The following ENTREP2 variants were observed in gnomAD, a reference collection of about 807,000 sequenced individuals.
The protein encoded by ENTREP2 is endosomal transmembrane epsin interactor 2, also known as protein ENTREP2.
chr15:29,654,045 C>A, the ENTREP2 span, among the ~76,000 whole-genome samples: 1 of 152,134 alleles, frequency 6.6e-6, no homozygotes, highest in Non-Finnish European at 1.5e-5. Flanking sequence ...TTATACAGAT[C>A]AGTATAGCTA....
At chr15:29,445,725 G>A in the ENTREP2 span, among the ~76,000 whole-genome samples, 1 of 152,280 alleles carries the variant, frequency 6.6e-6, no homozygotes, top group South Asian at 2.1e-4. Flanking sequence ...GAGTTCTTGA[G>A]CCATGCCAGC....
At chr15:29,268,977 G>A in the ENTREP2 span, 50 of 1,614,036 alleles carry the variant, frequency 3.1e-5, no homozygotes, top group Non-Finnish European at 4.1e-5. Context: ...CGTAGTCGAC[G>A]GGGTCGGTGT....
chr15:29,170,330 AAAT>A, the ENTREP2 span, among the ~76,000 whole-genome samples: 1 of 151,288 alleles, frequency 6.6e-6, no homozygotes, highest in Non-Finnish European at 1.5e-5. Flanking sequence ...AAAAAAAAAA[AAAT>A]CAATATGCAA....
the ENTREP2 span, among the ~76,000 whole-genome samples, chr15:29,202,965 T>C: frequency 6.6e-6 from 1 of 152,254 alleles, no homozygotes; most frequent in East Asian, 1.9e-4. Context: ...TGTGTCTTTG[T>C]GGCAGAATGA....
At chr15:29,121,198 C>G in the ENTREP2 span, 1 of 152,348 alleles carries the variant, frequency 6.6e-6, no homozygotes, top group Non-Finnish European at 1.5e-5. Context: ...GCTGGGGCAG[C>G]AGCCCCATTG....
the ENTREP2 span, among the ~76,000 whole-genome samples, chr15:29,318,382 G>A: frequency 0.13 from 19,224 of 151,792 alleles, 1,646 homozygotes; most frequent in African/African-American, 0.24. Context: ...GTGCAGTGTC[G>A]CGATCTCAGC....
chr15:29,402,292 TTGTG>T, the ENTREP2 span, among the ~76,000 whole-genome samples: 982 of 131,754 alleles, frequency 7.5e-3, 16 homozygotes, highest in African/African-American at 0.023. Context: ...GTATATTGTA[TTGTG>T]TGTGTGTGTG....
At chr15:29,604,964 C>A in the ENTREP2 span, among the ~76,000 whole-genome samples, 1 of 152,322 alleles carries the variant, frequency 6.6e-6, no homozygotes, top group Non-Finnish European at 1.5e-5. Flanking sequence ...ACAGGTGACA[C>A]AAACCGTGGT....
the ENTREP2 span, among the ~76,000 whole-genome samples, chr15:29,537,194 C>T: frequency 6.6e-6 from 1 of 152,280 alleles, no homozygotes; most frequent in East Asian, 1.9e-4. Flanking sequence ...ACTCGATCAA[C>T]TGGTCCCAAG....
the ENTREP2 span, among the ~76,000 whole-genome samples, chr15:29,158,566 G>A: frequency 0.011 from 1,649 of 152,038 alleles, 17 homozygotes; most frequent in Non-Finnish European, 0.018. Flanking sequence ...CATCACTCCC[G>A]TCTAATTTTG....
At chr15:29,251,877 A>G in the ENTREP2 span, among the ~76,000 whole-genome samples, 3 of 152,102 alleles carry the variant, frequency 2.0e-5, no homozygotes, top group Non-Finnish European at 4.4e-5. Context: ...TACAATGTAC[A>G]TAGCACACTG....
At chr15:29,349,349 A>G in the ENTREP2 span, among the ~76,000 whole-genome samples, 3 of 152,198 alleles carry the variant, frequency 2.0e-5, no homozygotes, top group Admixed American at 6.5e-5. Flanking sequence ...GCTGAAACAA[A>G]CAGAACAGTT....
chr15:29,170,933 T>C, the ENTREP2 span, among the ~76,000 whole-genome samples: 10 of 152,346 alleles, frequency 6.6e-5, no homozygotes, highest in African/African-American at 2.4e-4. Context: ...CCCACAGTTC[T>C]GGAGGCTGGG....
chr15:29,379,617 C>G, the ENTREP2 span, among the ~76,000 whole-genome samples: 1 of 152,108 alleles, frequency 6.6e-6, no homozygotes, highest in Admixed American at 6.5e-5. Flanking sequence ...TACATCCCCC[C>G]ACTGGGATGA....
At chr15:29,304,152 G>A in the ENTREP2 span, among the ~76,000 whole-genome samples, 1 of 152,152 alleles carries the variant, frequency 6.6e-6, no homozygotes, top group Admixed American at 6.5e-5. Context: ...CAAAGTGCTG[G>A]GATTACAGGT....
chr15:29,187,201 A>C, the ENTREP2 span, among the ~76,000 whole-genome samples: 1 of 152,186 alleles, frequency 6.6e-6, no homozygotes, highest in Non-Finnish European at 1.5e-5. Flanking sequence ...TTTCTAAGTT[A>C]ATATTTTAAT....
the ENTREP2 span, among the ~76,000 whole-genome samples, chr15:29,240,141 T>C: frequency 6.6e-6 from 1 of 152,086 alleles, no homozygotes; most frequent in Non-Finnish European, 1.5e-5. Context: ...GGCGGGCGGA[T>C]CACCTGAGGT....
chr15:29,505,883 A>C, the ENTREP2 span, among the ~76,000 whole-genome samples: 1 of 152,116 alleles, frequency 6.6e-6, no homozygotes, highest in African/African-American at 2.4e-5. The surrounding 1 kb of genome is among the most constrained non-coding windows in gnomAD (Gnocchi z 4.3). Context: ...CCTTGCCAAC[A>C]AGAAAACAAA....
chr15:29,322,919 T>C, the ENTREP2 span, among the ~76,000 whole-genome samples: 1 of 152,184 alleles, frequency 6.6e-6, no homozygotes, highest in Non-Finnish European at 1.5e-5. Context: ...AACCTCTAAA[T>C]TGCTTGAGAC....
Sources: allele counts gnomAD v4.1 joint callset (sites outside exome capture counted in the v4.1 genomes callset), GRCh38; gene constraint gnomAD v4.1.1; non-coding constraint Gnocchi (gnomAD v3.1); transcripts MANE v1.5; gene names NCBI Gene and HGNC (gene_info 2026-07-23, HGNC 2026-07-21).